Variants in TPCN1 observed in about 807,000 individuals in gnomAD.
TPCN1 encodes two pore channel protein 1.
A neutral mutation model predicts 108.8 loss-of-function variants in TPCN1; 52 were observed. The observed-to-expected ratio is 0.48, with a 90% CI of 0.38 to 0.60. TPCN1 has a LOEUF of 0.60. Among genes scored for constraint, TPCN1 ranks in the 20% least tolerant of loss-of-function variants. The pLI, the probability that TPCN1 is intolerant of heterozygous loss-of-function variation, is 0.00. For missense variants in TPCN1, 806 were observed against 1,072.8 expected (o/e 0.75, Z 3.47); for synonymous variants, 446 against 433.7 (o/e 1.03, Z -0.35).
chr12:113,260,403 C>T lies in TPCN1; in HGVS notation c.148C>T (p.Pro50Ser). 1.3e-6 allele frequency: 2 copies of T among 1,523,530 alleles called. No individual in the cohort carries two copies. Among genetic ancestry groups the T allele is most frequent in the Non-Finnish European group, 1.8e-6 (2 of 1,141,406 alleles). 94.4% of individuals were successfully genotyped at this position (1,523,530 alleles called of 1,614,324 possible). ...GSYAIHDSQA[P>S]SLSSGGESSP... ...CTATGCCATCCACGACTCCCAGGCC[C>T]CCAGTCTCAGCTCTGGGGGTGAGAG... The change falls in exon 3 of 28, where the codon CCC becomes TCC. Residue 50 changes from proline to serine, a missense_variant. Transcript: ENST00000335509.
chr12:113,273,689 C>G lies in TPCN1; in HGVS notation c.942+21C>G. The G allele has an allele frequency of 6.3e-7, 1 of 1,593,366 alleles. No homozygotes were observed. ...ACCTGGTGAGTGACTATGCCTCAGGCTACGCTGAAGCAGCCTGCCCCTACC... is the reference window on the plus strand; with the variant it reads ...ACCTGGTGAGTGACTATGCCTCAGGGTACGCTGAAGCAGCCTGCCCCTACC... On this transcript the variant is annotated intron_variant, in intron 10 of 27. Coordinates refer to ENST00000335509, the MANE Select transcript of TPCN1 (RefSeq NM_017901.6). The surrounding 1 kb of genome is among the most constrained non-coding windows in gnomAD (Gnocchi z 4.0).
At chr12:113,280,512 T>G (rs1955851298) in intron 15 of TPCN1, among the ~76,000 whole-genome samples, 1 of 152,210 alleles carries the variant, frequency 6.6e-6, no homozygotes, top group Admixed American at 6.5e-5. Flanking sequence ...TCACCTCATT[T>G]AGGTGAGGAA....
At chr12:113,295,899 G>A (rs1198708579) in intron 27 of TPCN1, 61 bp from the exon 28 acceptor site, 1 of 1,496,690 alleles carries the variant, frequency 6.7e-7, no homozygotes. Flanking sequence ...GTGACCTTGT[G>A]GGGTGGGCGG....
chr12:113,280,563 T>G (rs1423783937), intron 15 of TPCN1, among the ~76,000 whole-genome samples: 1 of 152,208 alleles, frequency 6.6e-6, no homozygotes, highest in Non-Finnish European at 1.5e-5. Flanking sequence ...TGCCTTTTCC[T>G]GGAATTTGGT....
intron 19 of TPCN1, chr12:113,287,464 C>T (rs983603137): frequency 4.8e-5 from 10 of 206,706 alleles, no homozygotes; most frequent in Non-Finnish European, 4.8e-5. Context: ...TCTGGCTCAG[C>T]GTCTTATGGA....
Position 113,268,793 on chromosome 12 carries a change from C to T in TPCN1, c.580C>T (p.Gln194Ter). ...CGAGGCCATCGTGGTGTTGGTACGG[C>T]AGATGTCCCATGTGCGGGTGACCCG... ...FVEAIVVLVR[Q>*]MSHVRVTRAL... The change falls in exon 6 of 28, where the codon CAG becomes TAG. Residue 194 changes from glutamine to a stop codon, truncating the protein, a stop_gained. Coordinates refer to ENST00000335509, the MANE Select transcript of TPCN1 (RefSeq NM_017901.6). LOFTEE classifies it high-confidence loss of function. This position sits in a 1 kb window ranked among gnomAD's most constrained non-coding sequence, Gnocchi z 7.3. The T allele has an allele frequency of 6.2e-7, 1 of 1,614,084 alleles. No individual in the cohort carries two copies. Among genetic ancestry groups the T allele is most frequent in the Non-Finnish European group, 8.5e-7 (1 of 1,180,016 alleles).
chr12:113,251,643 G>A (rs992117262), intron 2 of TPCN1, among the ~76,000 whole-genome samples: 6 of 152,240 alleles, frequency 3.9e-5, no homozygotes, highest in Non-Finnish European at 8.8e-5. Context: ...TGTTGCCTTC[G>A]GCGGCCAGCC....
chr12:113,255,774 C>G (rs1451335912), intron 2 of TPCN1, among the ~76,000 whole-genome samples: 8 of 151,916 alleles, frequency 5.3e-5, no homozygotes, highest in Non-Finnish European at 1.0e-4. Context: ...AGGTGATCCA[C>G]CTGCCTTGGC....
intron 3 of TPCN1, among the ~76,000 whole-genome samples, chr12:113,261,842 C>T (rs567466179): frequency 2.6e-5 from 4 of 151,652 alleles, no homozygotes; most frequent in Non-Finnish European, 4.4e-5. Context: ...ATACGTAGCA[C>T]CCCCCACCCC....
chr12:113,281,883 T>C (rs1353866478), intron 15 of TPCN1, among the ~76,000 whole-genome samples: 1 of 151,572 alleles, frequency 6.6e-6, no homozygotes, highest in Non-Finnish European at 1.5e-5. Flanking sequence ...CATGTGGACA[T>C]GTCACCAACT....
Position 113,273,182 on chromosome 12 carries a change from C to T in TPCN1, c.784-50C>T, listed in dbSNP as rs747551420. The T allele has an allele frequency of 6.4e-7, 1 of 1,565,548 alleles. No homozygotes were observed. The highest frequency in any genetic ancestry group is 1.1e-5 in the South Asian group (1 of 90,088). ...GCCCATCACAGCCTGTTCCTGATGG[C>T]CGTGTGCTCTTGGCTGGTCCCGACT... On this transcript the variant is annotated intron_variant, in intron 8 of 27. Coordinates refer to ENST00000335509, the MANE Select transcript of TPCN1 (RefSeq NM_017901.6). The surrounding 1 kb of genome is among the most constrained non-coding windows in gnomAD (Gnocchi z 4.0).
At chr12:113,246,409 A>T (rs1954386334) in intron 2 of TPCN1, among the ~76,000 whole-genome samples, 1 of 152,228 alleles carries the variant, frequency 6.6e-6, no homozygotes. Flanking sequence ...CCAGAGGCCC[A>T]GAACAGAGAT....
intron 2 of TPCN1, among the ~76,000 whole-genome samples, chr12:113,236,507 T>C (rs1953900903): frequency 1.3e-5 from 2 of 151,266 alleles, no homozygotes; most frequent in South Asian, 4.2e-4. Context: ...GGACCGAACA[T>C]CCCAGGGAGG....
chr12:113,280,550 T>C (rs1955852180), intron 15 of TPCN1, among the ~76,000 whole-genome samples: 1 of 152,228 alleles, frequency 6.6e-6, no homozygotes, highest in Admixed American at 6.5e-5. Flanking sequence ...TATGTTCCTC[T>C]GTTGCCTTTT....
In TPCN1 at chr12:113,288,208, G is replaced by C. The variant is rs202044455; in HGVS notation, c.1680G>C (p.Met560Ile). 4.5e-4 allele frequency: 722 copies of C among 1,613,840 alleles called. No individual in the cohort carries two copies. The highest frequency in any genetic ancestry group is 5.7e-4 in the Non-Finnish European group (671 of 1,179,982). ...KERYRNVLDT[M>I]FELLPRMASL... ...GCTACCGCAACGTGCTGGACACCATGTTCGAGCTGCTGCCCCGGATGGCCA... is the reference window on the plus strand; with the variant it reads ...GCTACCGCAACGTGCTGGACACCATCTTCGAGCTGCTGCCCCGGATGGCCA... Residue 560 changes from methionine (M) to isoleucine (I), a missense_variant, in exon 20 of 28, where the codon ATG (methionine) becomes ATC (isoleucine). Coordinates refer to ENST00000335509, the MANE Select transcript of TPCN1 (RefSeq NM_017901.6). The surrounding 1 kb of genome is among the most constrained non-coding windows in gnomAD (Gnocchi z 4.8).
Position 113,284,480 on chromosome 12 carries a change from C to T in TPCN1, c.1343-101C>T, listed in dbSNP as rs1566195223. ...GTGGAGCAGCCCTGTTCTCCCCATC[C>T]CGTAGAGCTCCAGGAAGTTAACCAG... is the stretch of plus-strand genomic sequence containing the variant. On this transcript the variant is annotated intron_variant, in intron 15 of 27. Coordinates refer to ENST00000335509, the MANE Select transcript of TPCN1 (RefSeq NM_017901.6). The surrounding 1 kb of genome is among the most constrained non-coding windows in gnomAD (Gnocchi z 4.1). The T allele has an allele frequency of 2.2e-6, 3 of 1,341,116 alleles. No homozygotes were observed. In the East Asian group the frequency reaches 6.9e-5, roughly 31 times the overall value. The allele number at this position is 1,341,116 out of a possible 1,614,324, so 83.1% of individuals were successfully genotyped here.
intron 4 of TPCN1, 79 bp from the exon 5 acceptor site, chr12:113,267,746 TGTCCTGGGGCACTCCCAG>T (rs2136621842): frequency 1.3e-6 from 1 of 771,904 alleles, no homozygotes; most frequent in East Asian, 2.5e-5. Flanking sequence ...GTTGGGAGGA[TGTCCTGGGGCACTCCCAG>T]GTCCTGGGAG....
intron 2 of TPCN1, among the ~76,000 whole-genome samples, chr12:113,242,258 C>T (rs1954170140): frequency 6.6e-6 from 1 of 152,224 alleles, no homozygotes; most frequent in Non-Finnish European, 1.5e-5. Flanking sequence ...GGACTGACCT[C>T]CTTGGCTGTG....
rs895382864 is a variant in TPCN1 at position 113,231,927 on chromosome 12, C to CACCA, written c.112+4964_112+4967dup. 6.6e-6 allele frequency among the ~76,000 whole-genome samples: 1 copy of CACCA among 152,172 alleles called. No individual in the cohort carries two copies. Among genetic ancestry groups the CACCA allele is most frequent in the African/African-American group, 2.4e-5 (1 of 41,448 alleles). On this transcript the variant is annotated intron_variant, in intron 2 of 27. Coordinates refer to ENST00000335509, the MANE Select transcript of TPCN1 (RefSeq NM_017901.6). This position sits in a 1 kb window ranked among gnomAD's most constrained non-coding sequence, Gnocchi z 4.3. ...CCGCGTGACAGGCGGTGGTCTCACC[C>CACCA]ACCACATTCAGGGAATCAGGACGAG...
Sources: gnomAD v4.1 joint callset for allele counts (sites outside exome capture counted in the v4.1 genomes callset) on GRCh38, gnomAD v4.1.1 for gene constraint, Gnocchi (gnomAD v3.1) non-coding constraint, MANE v1.5 for transcripts, NCBI Gene and HGNC (gene_info 2026-07-23, HGNC 2026-07-21) for gene names.